The following MEGF8 variants were observed in gnomAD, a reference collection of about 807,000 sequenced individuals.
The protein encoded by MEGF8 is multiple EGF like domains 8, also known as multiple epidermal growth factor-like domains protein 8.
MEGF8 carries 156 observed loss-of-function variants against 302.9 expected under a neutral mutation model. The observed-to-expected ratio is 0.52, with a 90% CI of 0.45 to 0.59. MEGF8 has a LOEUF of 0.59. Among genes scored for constraint, MEGF8 ranks in the 20% least tolerant of loss-of-function variants. The pLI is 0.00. For missense variants in MEGF8, 3,345 were observed against 3,964.5 expected (o/e 0.84, Z 4.20); for synonymous variants, 1,621 against 1,660.5 (o/e 0.98, Z 0.58).
chr19:42,352,796 G>A lies in MEGF8; in HGVS notation c.3351-132G>A. On this transcript the variant is annotated intron_variant, in intron 19 of 41. Transcript: ENST00000251268. This position sits in a 1 kb window ranked among gnomAD's most constrained non-coding sequence, Gnocchi z 4.4. Reference sequence around the variant, plus strand: ...TGCATGGAGTTACCTTGGAGACAGGGTCACCCACATAGCCCAAAACCATGG... The same window carrying A: ...TGCATGGAGTTACCTTGGAGACAGGATCACCCACATAGCCCAAAACCATGG... The A allele has an allele frequency of 1.4e-6, 1 of 714,404 alleles. No homozygotes were observed. The highest frequency in any genetic ancestry group is 2.3e-6 in the Non-Finnish European group (1 of 425,676). 44.3% of individuals were successfully genotyped at this position (714,404 alleles called of 1,614,324 possible).
chr19:42,330,016 C>T (rs1600005367), intron 1 of MEGF8, among the ~76,000 whole-genome samples: 1 of 152,084 alleles, frequency 6.6e-6, no homozygotes, highest in East Asian at 1.9e-4. Context: ...GATCTCGGCT[C>T]ACTGCAGCTT....
Position 42,355,763 on chromosome 19 carries a change from C to T in MEGF8, c.4150C>T (p.Leu1384Phe). 2 of 1,578,068 alleles carry T rather than the reference C, an allele frequency of 1.3e-6. No homozygotes were observed. The highest frequency in any genetic ancestry group is 1.2e-5 in the South Asian group (1 of 86,358). ...TCTGGCCTCTCTCTTCACAGGGCTG[C>T]TCGTGCTGCACTGGGAGGCCAATGG... ...PLTVQALSGL[L>F]VLHWEANGSS... Residue 1384 changes from leucine (L) to phenylalanine (F), a missense_variant, in exon 24 of 42, where the codon CTC becomes TTC. By Grantham distance (22) the Leu-to-Phe change is conservative. Transcript: ENST00000251268.
Position 42,348,258 on chromosome 19 carries a change from C to G in MEGF8, c.2098-14C>G. On this transcript the variant is annotated splice_polypyrimidine_tract_variant and intron_variant, in intron 12 of 41. Transcript: ENST00000251268. Reference sequence around the variant, plus strand: ...GAAAGGGACTCACACATACACCCATCCCTGGTGGCACAGGTCTCAATTGTC... The same window carrying G: ...GAAAGGGACTCACACATACACCCATGCCTGGTGGCACAGGTCTCAATTGTC... 2 of 1,534,064 alleles carry G rather than the reference C, an allele frequency of 1.3e-6. No homozygotes were observed. The highest frequency in any genetic ancestry group is 1.7e-6 in the Non-Finnish European group (2 of 1,144,338).
At chr19:42,340,390 C>T (rs182588896) in intron 8 of MEGF8, among the ~76,000 whole-genome samples, 41 of 151,964 alleles carry the variant, frequency 2.7e-4, no homozygotes, top group Admixed American at 7.2e-4. Context: ...CCACCACACC[C>T]GGCTAATTTT....
chr19:42,366,389 C>G (rs1241340001), intron 35 of MEGF8, among the ~76,000 whole-genome samples: 1 of 152,092 alleles, frequency 6.6e-6, no homozygotes, highest in Non-Finnish European at 1.5e-5. Context: ...TTAGTAGAGA[C>G]TGGGTGTCAC....
rs564231600 is a variant in MEGF8, at chr19:42,358,407, C to T, written c.5175+100C>T. ...CTGGCTCCATCCCAGATTCCTGCTT[C>T]CCCTCCTTTCTATGTTCCCTAACTA... On this transcript the variant is annotated intron_variant, in intron 29 of 41. Coordinates refer to ENST00000251268, the MANE Select transcript of MEGF8 (RefSeq NM_001271938.2). The surrounding 1 kb of genome is among the most constrained non-coding windows in gnomAD (Gnocchi z 4.4). 10 of 1,388,798 alleles carry T rather than the reference C, an allele frequency of 7.2e-6. No homozygotes were observed. The Admixed American group carries it at 2.9e-4, about 40-fold the overall frequency. 86.0% of individuals were successfully genotyped at this position (1,388,798 alleles called of 1,614,324 possible). A position where few individuals can be genotyped will look rare whatever the true frequency, so the allele number is the denominator to read the frequency against.
In MEGF8 at chr19:42,353,795, G is replaced by A. The variant is rs778710515; in HGVS notation, c.3782G>A (p.Arg1261Gln). The A allele has an allele frequency of 1.4e-5, 22 of 1,603,910 alleles. No homozygotes were observed. The highest frequency in any genetic ancestry group is 9.4e-5 in the African/African-American group (7 of 74,766). Residue 1261 changes from arginine (R) to glutamine (Q), a missense_variant, in exon 22 of 42, where the codon CGG becomes CAG. Transcript: ENST00000251268. The surrounding 1 kb of genome is among the most constrained non-coding windows in gnomAD (Gnocchi z 6.1). ...GDPRAGGSCF[R>Q]ECGGRALLTN... is the part of the protein sequence containing the mutation. ...CCCAGGGCCGGTGGTTCCTGCTTTC[G>A]GGAGTGTGGGGGTCGCGCCCTCCTC...
At position 42,368,579 on chromosome 19, in the gene MEGF8, G is replaced by A. The variant is rs755814245; in HGVS notation, c.6398G>A (p.Arg2133His). 6.3e-6 allele frequency: 10 copies of A among 1,582,776 alleles called. No homozygotes were observed. Among genetic ancestry groups the A allele is most frequent in the African/African-American group, 2.7e-5 (2 of 74,402 alleles). ...ACTCAGTGCGCCTTGTGCCTGCGGCGCCCCCATTGCGGCTGGTGTGCCTGG... is the reference window on the plus strand; with the variant it reads ...ACTCAGTGCGCCTTGTGCCTGCGGCACCCCCATTGCGGCTGGTGTGCCTGG... ...QATQCALCLR[R>H]PHCGWCAWGG... The change falls in exon 36 of 42, where the codon CGC becomes CAC. Residue 2133 changes from arginine (R) to histidine (H), a missense_variant. By Grantham distance (29) the Arg-to-His change is conservative. Transcript: ENST00000251268. The surrounding 1 kb of genome is among the most constrained non-coding windows in gnomAD (Gnocchi z 4.9).
At chr19:42,338,042 G>A (rs2039156738) in intron 8 of MEGF8, among the ~76,000 whole-genome samples, 2 of 151,914 alleles carry the variant, frequency 1.3e-5, no homozygotes, top group South Asian at 4.1e-4. Context: ...CTGACCTCAA[G>A]TGATCCTCCC....
At chr19:42,334,935 G>T in intron 3 of MEGF8, 100 bp from the exon 4 acceptor site, 2 of 1,188,088 alleles carry the variant, frequency 1.7e-6, no homozygotes, top group South Asian at 1.6e-5. Flanking sequence ...TTTGTGCCCT[G>T]TCTGTCTCAT....
At chr19:42,348,894 C>T (rs909194695) in intron 13 of MEGF8, among the ~76,000 whole-genome samples, 20 of 152,196 alleles carry the variant, frequency 1.3e-4, no homozygotes, top group Admixed American at 7.9e-4. Flanking sequence ...AGCCACTGCG[C>T]CTGGCTGGGA....
chr19:42,367,352 G>A (rs1305434785), intron 35 of MEGF8, among the ~76,000 whole-genome samples: 3 of 150,020 alleles, frequency 2.0e-5, no homozygotes, highest in Admixed American at 6.6e-5. Context: ...GCAGTGGCGC[G>A]ATCTCTGCTC....
intron 35 of MEGF8, among the ~76,000 whole-genome samples, chr19:42,365,575 G>A (rs2039592397): frequency 6.7e-6 from 1 of 149,956 alleles, no homozygotes; most frequent in Non-Finnish European, 1.5e-5. Flanking sequence ...AGACCTGCCT[G>A]GGCAACATAG....
Position 42,369,467 on chromosome 19 carries a change from G to A in MEGF8, c.6642-64G>A, listed in dbSNP as rs574479128. On this transcript the variant is annotated intron_variant, in intron 37 of 41. Coordinates refer to ENST00000251268, the MANE Select transcript of MEGF8 (RefSeq NM_001271938.2). The surrounding 1 kb of genome is among the most constrained non-coding windows in gnomAD (Gnocchi z 5.7). ...AGAAGAGGGTGGGGTAGTTGGTTGGGTGCTAGGCCATGAAGCCACGAGGAG... is the reference window on the plus strand; with the variant it reads ...AGAAGAGGGTGGGGTAGTTGGTTGGATGCTAGGCCATGAAGCCACGAGGAG... 5.2e-6 allele frequency: 8 copies of A among 1,529,376 alleles called. No individual in the cohort carries two copies. The highest frequency in any genetic ancestry group is 2.7e-5 in the African/African-American group (2 of 73,842). The allele number at this position is 1,529,376 out of a possible 1,614,324, so 94.7% of individuals were successfully genotyped here. A position where few individuals can be genotyped will look rare whatever the true frequency, so the allele number is the denominator to read the frequency against.
rs770812017 is a variant in MEGF8 at position 42,368,515 on chromosome 19, C to T, written c.6334C>T (p.Arg2112Trp). Reference protein sequence around the residue: ...CMAGGCGRLLRGPESCSLGCA... With the variant: ...CMAGGCGRLLWGPESCSLGCA... ...GGCCGGAGGCTGTGGGCGGCTGCTC[C>T]GGGGACCTGAGAGCTGCTCCCTGGG... The change falls in exon 36 of 42, where the codon CGG (arginine) becomes TGG (tryptophan). Residue 2112 changes from arginine to tryptophan, a missense_variant. Physicochemically the swap from Arg to Trp is moderately radical, Grantham distance 101. Coordinates refer to ENST00000251268, the MANE Select transcript of MEGF8 (RefSeq NM_001271938.2). This position sits in a 1 kb window ranked among gnomAD's most constrained non-coding sequence, Gnocchi z 4.9. 3.7e-5 allele frequency: 60 copies of T among 1,608,702 alleles called. No homozygotes were observed. The African/African-American group carries it at 4.4e-4, about 12-fold the overall frequency.
Position 42,344,600 on chromosome 19 carries a change from C to T in MEGF8, c.1933+15C>T. On this transcript the variant is annotated intron_variant, in intron 11 of 41. Transcript: ENST00000251268. This position sits in a 1 kb window ranked among gnomAD's most constrained non-coding sequence, Gnocchi z 4.5. ...CCCTAGGCCTGGTGAGTGTCCGCAG[C>T]AGTGGGCCGGCAGGAGGGGGCCAGA... 3 of 1,583,710 alleles carry T rather than the reference C, an allele frequency of 1.9e-6. No homozygotes were observed. Among genetic ancestry groups the T allele is most frequent in the Non-Finnish European group, 1.7e-6 (2 of 1,164,030 alleles).
At chr19:42,370,516 C>T (rs925293033) in intron 39 of MEGF8, 157 bp downstream of exon 39, 61 of 873,986 alleles carry the variant, frequency 7.0e-5, no homozygotes, top group Non-Finnish European at 9.7e-5. Flanking sequence ...AGGTGGGGGT[C>T]TTGAACTCCT....
chr19:42,362,414 A>G lies in MEGF8; in HGVS notation c.5875A>G (p.Asn1959Asp). 6.2e-7 allele frequency: 1 copy of G among 1,613,932 alleles called. No individual in the cohort carries two copies. The highest frequency in any genetic ancestry group is 8.5e-7 in the Non-Finnish European group (1 of 1,179,876). The stretch of plus-strand genomic sequence containing the variant: ...CACCCCCCGCTGTAAGTGGTGTACC[A>G]ACTGCCCCGAAGGTGCTTGCATTGG... ...ASTPRCKWCT[N>D]CPEGACIGRN... is the part of the protein sequence containing the mutation. Residue 1959 changes from asparagine to aspartate, a missense_variant, in exon 34 of 42, where the codon AAC becomes GAC. By Grantham distance (23) the Asn-to-Asp change is conservative (BLOSUM62 1). Coordinates refer to ENST00000251268, the MANE Select transcript of MEGF8 (RefSeq NM_001271938.2).
chr19:42,349,172 C>T (rs1267723365), intron 13 of MEGF8, among the ~76,000 whole-genome samples: 1 of 152,042 alleles, frequency 6.6e-6, no homozygotes, highest in African/African-American at 2.4e-5. Flanking sequence ...TGGTAGCATG[C>T]ACCTGTAGTC....
Sources: allele counts gnomAD v4.1 joint callset (sites outside exome capture counted in the v4.1 genomes callset), GRCh38; gene constraint gnomAD v4.1.1; non-coding constraint Gnocchi (gnomAD v3.1); transcripts MANE v1.5; gene names NCBI Gene and HGNC (gene_info 2026-07-23, HGNC 2026-07-21).